Variants in TPCN2 observed in about 807,000 individuals in gnomAD.
TPCN2 encodes the protein two pore segment channel 2.
Under a neutral mutation model 111.4 loss-of-function variants are expected in TPCN2, and 92 were observed. The ratio of observed to expected loss-of-function variants is 0.83; its 90% CI spans 0.70 to 0.98. TPCN2 has a LOEUF of 0.98. TPCN2 is among the 50% of genes least tolerant of loss of function. TPCN2 has a pLI of 0.00. For synonymous variants in TPCN2, 405 were observed against 414.5 expected (o/e 0.98, Z 0.28); for missense variants, 995 against 980.1 (o/e 1.02, Z -0.20).
At chr11:69,072,220 C>T (rs1855565675) in intron 11 of TPCN2, among the ~76,000 whole-genome samples, 197 bp downstream of exon 11, 1 of 131,590 alleles carries the variant, frequency 7.6e-6, no homozygotes, top group African/African-American at 2.5e-5. Flanking sequence ...ATGCCTTTGT[C>T]TTCGTGCCCC....
At position 69,087,954 on chromosome 11, in the gene TPCN2, C is replaced by A. The variant is rs143069586; in HGVS notation, c.*1C>A. On this transcript the variant is annotated 3_prime_UTR_variant, in exon 25 of 25. Coordinates refer to ENST00000294309, the MANE Select transcript of TPCN2 (RefSeq NM_139075.4). ...CCCGCACCTGTGGCTGTGCAGGTGA[C>A]GTCCGGGCTGCCGTCCCAGCAGGGG... 4.0e-5 allele frequency: 64 copies of A among 1,606,212 alleles called. No homozygotes were observed. In the South Asian group the frequency reaches 4.8e-4, roughly 12 times the overall value.
rs998655950 is a variant in TPCN2, at chr11:69,057,629, T to C, written c.481T>C (p.Tyr161His). 1 of 1,614,232 alleles carries C rather than the reference T, an allele frequency of 6.2e-7. No homozygotes were observed. Among genetic ancestry groups the C allele is most frequent in the African/African-American group, 1.3e-5 (1 of 75,066 alleles). Residue 161 changes from tyrosine (Y) to histidine (H), a missense_variant, in exon 5 of 25, where the codon TAC (tyrosine) becomes CAC (histidine). Physicochemically the swap from Tyr to His is moderately conservative, Grantham distance 83 (BLOSUM62 2). Transcript: ENST00000294309. ...HFQKNLWLLGYLVVLVVSLVD... is the reference protein window; with the variant it reads ...HFQKNLWLLGHLVVLVVSLVD... The stretch of plus-strand genomic sequence containing the variant: ...CCAGAAAAACCTTTGGCTGCTGGGC[T>C]ACCTCGTGGTGCTGGTGGTGTCTCT...
chr11:69,080,509 G>A (rs925093222), intron 17 of TPCN2, among the ~76,000 whole-genome samples: 2 of 152,212 alleles, frequency 1.3e-5, no homozygotes, highest in Admixed American at 6.5e-5. Flanking sequence ...CCCTGAGAGC[G>A]TGGCTCTGGT....
chr11:69,051,315 G>A (rs912667141), intron 1 of TPCN2, among the ~76,000 whole-genome samples: 2 of 152,250 alleles, frequency 1.3e-5, no homozygotes, highest in Non-Finnish European at 2.9e-5. Flanking sequence ...CAAGTCAGAG[G>A]ACAAGGGATT....
chr11:69,084,837 G>C, intron 19 of TPCN2: 1 of 980,766 alleles, frequency 1.0e-6, no homozygotes, highest in Non-Finnish European at 1.2e-6. Context: ...GGAAACTGAG[G>C]CCCAGAAAGG....
chr11:69,054,838 T>G, intron 3 of TPCN2, 41 bp downstream of exon 3: 20 of 1,582,540 alleles, frequency 1.3e-5, no homozygotes, highest in South Asian at 2.2e-5. Context: ...TCCTGCCGGC[T>G]TGCGTGGCAG....
intron 23 of TPCN2, 121 bp downstream of exon 23, chr11:69,086,725 A>G: frequency 1.1e-6 from 1 of 945,518 alleles, no homozygotes; most frequent in Non-Finnish European, 1.7e-6. Context: ...GTGCTGGGTT[A>G]GGCGGGTCCT....
At chr11:69,063,138 C>T (rs1413425632) in intron 6 of TPCN2, 148 bp downstream of exon 6, 2 of 687,024 alleles carry the variant, frequency 2.9e-6, no homozygotes, top group African/African-American at 1.8e-5. Flanking sequence ...GGGGAGGCTG[C>T]TGGGGGGCTT....
chr11:69,087,267 G>C (rs992453218), intron 24 of TPCN2, 61 bp downstream of exon 24: 22 of 1,501,898 alleles, frequency 1.5e-5, no homozygotes, highest in Admixed American at 5.3e-5. Context: ...AAGAGCTGGG[G>C]GGTGGAGGGG....
At chr11:69,080,441 C>G in intron 17 of TPCN2, among the ~76,000 whole-genome samples, 1 of 152,216 alleles carries the variant, frequency 6.6e-6, no homozygotes. Context: ...GAAGAGACAA[C>G]CTGGGCAGGG....
intron 24 of TPCN2, 122 bp from the exon 25 acceptor site, chr11:69,087,751 GTC>G: frequency 1.5e-6 from 1 of 681,290 alleles, no homozygotes; most frequent in Admixed American, 2.9e-5. Flanking sequence ...GAGTCCCCGT[GTC>G]TCTGTGTCCC....
At chr11:69,085,987 A>ACCT (rs1856257474) in intron 22 of TPCN2, 57 bp downstream of exon 22, 1 of 1,521,316 alleles carries the variant, frequency 6.6e-7, no homozygotes, top group Non-Finnish European at 9.0e-7. Flanking sequence ...GGGTTCCCTC[A>ACCT]CCTCCGGGCA....
chr11:69,090,000 G>A lies in TPCN2; in HGVS notation c.*2047G>A, dbSNP rs1450083277. On this transcript the variant is annotated 3_prime_UTR_variant, in exon 25 of 25. Transcript: ENST00000294309. Reference sequence around the variant, plus strand: ...GATGTTCAAGCCTTATTTTATACTTGCCTGCCCCTTTCTCTTTCATTTATT... The same window carrying A: ...GATGTTCAAGCCTTATTTTATACTTACCTGCCCCTTTCTCTTTCATTTATT... 6.6e-6 allele frequency: 1 copy of A among 152,048 alleles called. No individual in the cohort carries two copies. Among genetic ancestry groups the A allele is most frequent in the Non-Finnish European group, 1.5e-5 (1 of 68,016 alleles). The allele number at this position is 152,048 out of a possible 1,614,324, so 9.4% of individuals were successfully genotyped here.
chr11:69,085,153 TG>T, intron 19 of TPCN2, 56 bp from the exon 20 acceptor site: 1 of 1,470,646 alleles, frequency 6.8e-7, no homozygotes, highest in Non-Finnish European at 9.5e-7. Flanking sequence ...CTGGGGAGGG[TG>T]GTGGTGGGTG....
chr11:69,059,007 G>A (rs887289520), intron 5 of TPCN2, among the ~76,000 whole-genome samples: 3 of 152,212 alleles, frequency 2.0e-5, no homozygotes, highest in African/African-American at 7.2e-5. Flanking sequence ...AATGAATAAA[G>A]GCCTGGTTTT....
At chr11:69,076,223 C>T (rs147159799) in intron 13 of TPCN2, among the ~76,000 whole-genome samples, 283 of 152,276 alleles carry the variant, frequency 1.9e-3, no homozygotes, top group Admixed American at 6.3e-3. Flanking sequence ...AATGCAGAGA[C>T]GTTCACTGGC....
intron 7 of TPCN2, 72 bp downstream of exon 7, chr11:69,064,039 G>A: frequency 6.9e-7 from 1 of 1,456,306 alleles, no homozygotes; most frequent in Non-Finnish European, 9.6e-7. Context: ...GGCTGGGCTG[G>A]TGTCTGCTGC....
intron 18 of TPCN2, among the ~76,000 whole-genome samples, chr11:69,082,874 G>T (rs59979918): frequency 0.34 from 28,301 of 82,982 alleles, 10,622 homozygotes; most frequent in South Asian, 0.65. Flanking sequence ...CGGATAAGAC[G>T]CATGATCGTG....
In TPCN2 at chr11:69,080,561, C is replaced by T. The variant is rs573802599; in HGVS notation, c.1589+678C>T. On this transcript the variant is annotated intron_variant, in intron 17 of 24. Coordinates refer to ENST00000294309, the MANE Select transcript of TPCN2 (RefSeq NM_139075.4). Reference sequence around the variant, plus strand: ...AGGAAGGGTGGGGCACGGGGCCCAGCATGCCAGCCTCGGCCCTGTGGTTAG... The same window carrying T: ...AGGAAGGGTGGGGCACGGGGCCCAGTATGCCAGCCTCGGCCCTGTGGTTAG... Among the ~76,000 whole-genome samples the T allele has an allele frequency of 1.9e-3, 288 of 152,328 alleles. 1 individual carries two copies. Among genetic ancestry groups the T allele is most frequent in the African/African-American group, 6.1e-3 (254 of 41,576 alleles).
Sources: gnomAD v4.1 joint callset for allele counts (sites outside exome capture counted in the v4.1 genomes callset) on GRCh38, gnomAD v4.1.1 for gene constraint, MANE v1.5 for transcripts, NCBI Gene and HGNC (gene_info 2026-07-23, HGNC 2026-07-21) for gene names.